Variants in RBFOX1 observed in about 807,000 individuals in gnomAD.
The protein encoded by RBFOX1 is RNA binding protein fox-1 homolog 1.
A neutral mutation model predicts 57.7 loss-of-function variants in RBFOX1; 8 were observed. The ratio of observed to expected loss-of-function variants is 0.14; its 90% CI spans 0.08 to 0.25. The LOEUF (loss-of-function observed/expected upper bound fraction) is 0.25, where lower values mean the gene tolerates loss of function less well. Ranked by LOEUF, RBFOX1 falls within the 10% of genes least tolerant of loss-of-function variation. RBFOX1 has a pLI of 1.00. For synonymous variants in RBFOX1, 326 were observed against 222.4 expected (o/e 1.47, Z -4.15); for missense variants, 611 against 548.5 (o/e 1.11, Z -1.14).
chr16:6,311,146 A>G (rs896046162), intron 1 of RBFOX1, among the ~76,000 whole-genome samples: 1 of 151,894 alleles, frequency 6.6e-6, no homozygotes, highest in Non-Finnish European at 1.5e-5. Flanking sequence ...AATACAAAAA[A>G]TTAGCTGGAC....
At chr16:7,295,887 T>C (rs2095878294) in intron 4 of RBFOX1, among the ~76,000 whole-genome samples, 2 of 152,214 alleles carry the variant, frequency 1.3e-5, no homozygotes, top group African/African-American at 2.4e-5. Flanking sequence ...GTGAAAGGCA[T>C]GCTGCTCTGT....
chr16:6,364,708 T>A (rs1045585578), intron 2 of RBFOX1, among the ~76,000 whole-genome samples: 4 of 152,230 alleles, frequency 2.6e-5, no homozygotes, highest in Admixed American at 6.5e-5. Flanking sequence ...TCTTTCTGTG[T>A]AATTTCTCAC....
intron 2 of RBFOX1, among the ~76,000 whole-genome samples, chr16:5,550,488 G>C (rs915149237): frequency 2.6e-5 from 4 of 152,208 alleles, no homozygotes; most frequent in Non-Finnish European, 4.4e-5. Flanking sequence ...AGGGGAGCCA[G>C]CTCTCCCTTG....
rs546998278 is a variant in RBFOX1 at position 5,904,545 on chromosome 16, G to C, written c.351+37210G>C. ...GTGGGTAGGCGGAAGGCAGGCAGGT[G>C]CATTCAGACCATGGTGTGGTCTCTG... On this transcript the variant is annotated intron_variant, in intron 4 of 19. Transcript: ENST00000641259. 3.4e-3 allele frequency among the ~76,000 whole-genome samples: 514 copies of C among 152,032 alleles called. 3 individuals carry two copies. Among genetic ancestry groups the C allele is most frequent in the African/African-American group, 0.012 (489 of 41,478 alleles).
At chr16:5,837,691 C>A (rs992109143) in intron 3 of RBFOX1, among the ~76,000 whole-genome samples, 3 of 151,914 alleles carry the variant, frequency 2.0e-5, no homozygotes, top group Non-Finnish European at 4.4e-5. Context: ...TAGTTCTATC[C>A]CCATTCCTGT....
intron 1 of RBFOX1, among the ~76,000 whole-genome samples, chr16:6,206,605 A>G (rs564851428): frequency 6.6e-6 from 1 of 152,166 alleles, no homozygotes; most frequent in African/African-American, 2.4e-5. Flanking sequence ...ACCTTTCCCA[A>G]ATTTCCACCA....
chr16:6,498,918 G>A (rs2095845823), intron 2 of RBFOX1, among the ~76,000 whole-genome samples: 1 of 152,112 alleles, frequency 6.6e-6, no homozygotes, highest in Non-Finnish European at 1.5e-5. Context: ...GGCTTATACG[G>A]CAAGTAGCAG....
At chr16:6,524,017 C>T (rs1598857639) in intron 2 of RBFOX1, among the ~76,000 whole-genome samples, 1 of 152,280 alleles carries the variant, frequency 6.6e-6, no homozygotes, top group East Asian at 1.9e-4. Context: ...AATCCAATTA[C>T]ACTCTTTATT....
At chr16:6,662,645 G>T (rs1009520631) in intron 3 of RBFOX1, among the ~76,000 whole-genome samples, 3 of 151,754 alleles carry the variant, frequency 2.0e-5, no homozygotes, top group Non-Finnish European at 2.9e-5. Context: ...ATAATTTGGT[G>T]GTTGGTTAAA....
At chr16:6,129,682 A>G (rs1039976123) in intron 1 of RBFOX1, among the ~76,000 whole-genome samples, 11 of 141,564 alleles carry the variant, frequency 7.8e-5, no homozygotes, top group African/African-American at 2.7e-4. Flanking sequence ...TTAGTAGATC[A>G]GGTTAAATAC....
intron 2 of RBFOX1, among the ~76,000 whole-genome samples, chr16:5,585,807 T>C (rs369417708): frequency 2.0e-5 from 3 of 152,234 alleles, no homozygotes; most frequent in Admixed American, 1.3e-4. Flanking sequence ...TCTTCACTGC[T>C]GGAGATTCCA....
intron 1 of RBFOX1, among the ~76,000 whole-genome samples, chr16:5,426,486 A>C (rs2067563135): frequency 6.6e-6 from 1 of 152,238 alleles, no homozygotes. Flanking sequence ...GGTCTGGAAG[A>C]GGTGACCCCT....
At chr16:5,891,163 C>A (rs532093218) in intron 4 of RBFOX1, among the ~76,000 whole-genome samples, 2 of 152,100 alleles carry the variant, frequency 1.3e-5, no homozygotes, top group East Asian at 3.9e-4. Context: ...AGGATTTTTT[C>A]TTTGCACAAA....
At chr16:6,780,216 TA>T (rs1567214496) in intron 3 of RBFOX1, among the ~76,000 whole-genome samples, 15 of 77,628 alleles carry the variant, frequency 1.9e-4, no homozygotes, top group Non-Finnish European at 1.8e-4. Context: ...TATTTATATA[TA>T]TTTATATATA....
intron 1 of RBFOX1, among the ~76,000 whole-genome samples, chr16:6,184,800 C>T (rs1278359243): frequency 1.3e-5 from 2 of 152,008 alleles, no homozygotes; most frequent in Non-Finnish European, 2.9e-5. Flanking sequence ...ATCTCTTGAC[C>T]TCGTGATCCA....
intron 2 of RBFOX1, among the ~76,000 whole-genome samples, chr16:5,509,149 G>A (rs147682323): frequency 3.3e-5 from 5 of 152,318 alleles, no homozygotes; most frequent in East Asian, 3.9e-4. Context: ...CACACTTCCC[G>A]ACATGCGATC....
chr16:6,370,233 C>G (rs1178296536), intron 2 of RBFOX1, among the ~76,000 whole-genome samples: 1 of 151,788 alleles, frequency 6.6e-6, no homozygotes, highest in Non-Finnish European at 1.5e-5. Context: ...TGGCGGGCGG[C>G]TGTAGTCCCA....
At chr16:6,987,470 C>G (rs1274323000) in intron 3 of RBFOX1, among the ~76,000 whole-genome samples, 1 of 108,890 alleles carries the variant, frequency 9.2e-6, no homozygotes. Flanking sequence ...CACACACACA[C>G]ACACACACAC....
chr16:7,407,997 A>G (rs923282764), intron 4 of RBFOX1, among the ~76,000 whole-genome samples: 1 of 152,204 alleles, frequency 6.6e-6, no homozygotes, highest in African/African-American at 2.4e-5. Flanking sequence ...AGTGCCTAAA[A>G]TATTTATTCC....
Sources: allele counts gnomAD v4.1 joint callset (sites outside exome capture counted in the v4.1 genomes callset), GRCh38; gene constraint gnomAD v4.1.1; transcripts MANE v1.5; gene names NCBI Gene and HGNC (gene_info 2026-07-23, HGNC 2026-07-21).